ANKRD30BL: variants seen among roughly 807,000 people sequenced by gnomAD.
The protein encoded by ANKRD30BL is ankyrin repeat domain 30B like.
ANKRD30BL carries 20 observed loss-of-function variants against 18.4 expected under a neutral mutation model. The observed-to-expected ratio is 1.09, with a 90% CI of 0.77 to 1.58. ANKRD30BL has a LOEUF of 1.58. Ranked by LOEUF, ANKRD30BL falls within the 40% of genes most tolerant of loss-of-function variation. The pLI is 0.00. For missense variants in ANKRD30BL, 224 were observed against 268.6 expected (o/e 0.83, Z 1.16); for synonymous variants, 72 against 100.9 (o/e 0.71, Z 1.72).
At chr2:132,191,180 CT>C (rs1440300212) in intron 1 of ANKRD30BL, among the ~76,000 whole-genome samples, 1 of 152,138 alleles carries the variant, frequency 6.6e-6, no homozygotes, top group African/African-American at 2.4e-5. Context: ...TAATAATAAA[CT>C]TTTATAATAT....
At chr2:132,187,115 T>C (rs1401158417) in intron 1 of ANKRD30BL, among the ~76,000 whole-genome samples, 4 of 151,712 alleles carry the variant, frequency 2.6e-5, no homozygotes, top group African/African-American at 9.7e-5. Context: ...ATATTTATTT[T>C]TTTAAAAAAA....
intron 1 of ANKRD30BL, chr2:132,253,213 C>T (rs62164984): frequency 0.038 from 7,389 of 194,272 alleles, 254 homozygotes; most frequent in East Asian, 0.11. Context: ...TTCGAAGAGT[C>T]GATGATCAAC....
intron 1 of ANKRD30BL, among the ~76,000 whole-genome samples, chr2:132,198,145 T>A (rs1406747892): frequency 6.6e-6 from 1 of 151,996 alleles, no homozygotes; most frequent in Non-Finnish European, 1.5e-5. Context: ...ATATGACATG[T>A]AAAATATTTT....
chr2:132,198,127 T>C (rs969601337), intron 1 of ANKRD30BL, among the ~76,000 whole-genome samples: 1 of 151,988 alleles, frequency 6.6e-6, no homozygotes, highest in Non-Finnish European at 1.5e-5. Flanking sequence ...GAGGGTGTCT[T>C]ATTTACAATA....
At chr2:132,208,217 C>G (rs1453115699) in intron 1 of ANKRD30BL, among the ~76,000 whole-genome samples, 1 of 152,116 alleles carries the variant, frequency 6.6e-6, no homozygotes, top group East Asian at 1.9e-4. Context: ...TGACATCCTT[C>G]TTAACATTTG....
chr2:132,252,238 G>A (rs74345706), intron 1 of ANKRD30BL, among the ~76,000 whole-genome samples: 18 of 152,368 alleles, frequency 1.2e-4, no homozygotes, highest in South Asian at 1.0e-3. Flanking sequence ...CAGTGGCTGC[G>A]CCAAGTCTAG....
chr2:132,229,355 T>C (rs1371790500), intron 1 of ANKRD30BL, among the ~76,000 whole-genome samples: 1 of 152,120 alleles, frequency 6.6e-6, no homozygotes, highest in African/African-American at 2.4e-5. Flanking sequence ...AAGTTGAACA[T>C]TTCTTTGATT....
In ANKRD30BL at chr2:132,147,738, G is replaced by A. The variant is rs1687641896; in HGVS notation, c.*393C>T. 4.8e-6 allele frequency: 1 copy of A among 208,132 alleles called. No homozygotes were observed. Among genetic ancestry groups the A allele is most frequent in the Admixed American group, 5.0e-5 (1 of 19,992 alleles). 12.9% of individuals were successfully genotyped at this position (208,132 alleles called of 1,614,324 possible). On this transcript the variant is annotated 3_prime_UTR_variant, in exon 6 of 6. Transcript: ENST00000409867. ...TTGTGTCTTTTCCCTATTGGATAGG[G>A]TTGGACTGCACACTCTAAGCCAATT...
chr2:132,221,179 C>A (rs1465425796), intron 1 of ANKRD30BL, among the ~76,000 whole-genome samples: 1 of 145,422 alleles, frequency 6.9e-6, no homozygotes, highest in South Asian at 2.1e-4. Context: ...CCACCCCATC[C>A]GCGAGGGAGG....
At chr2:132,197,962 T>C (rs1678998558) in intron 1 of ANKRD30BL, among the ~76,000 whole-genome samples, 2 of 151,896 alleles carry the variant, frequency 1.3e-5, no homozygotes, top group Non-Finnish European at 2.9e-5. Context: ...AGAAATACCA[T>C]TGTGTATTTT....
chr2:132,198,898 A>T (rs1363483286), intron 1 of ANKRD30BL, among the ~76,000 whole-genome samples: 1 of 152,168 alleles, frequency 6.6e-6, no homozygotes, highest in East Asian at 1.9e-4. Flanking sequence ...AATTACAGGC[A>T]TGAGCCACTG....
At chr2:132,160,142 C>T (rs6751004) in intron 1 of ANKRD30BL, among the ~76,000 whole-genome samples, 43,691 of 151,940 alleles carry the variant, frequency 0.29, 9,889 homozygotes, top group African/African-American at 0.61. Context: ...CTCACTGTCT[C>T]CCAGGCTAGA....
chr2:132,209,519 A>G (rs1272388985), intron 1 of ANKRD30BL, among the ~76,000 whole-genome samples: 2 of 151,414 alleles, frequency 1.3e-5, no homozygotes, highest in African/African-American at 2.4e-5. Flanking sequence ...ACATCTGCAC[A>G]TAAAAACTAC....
At chr2:132,165,973 A>G, upstream of ANKRD30BL, among the ~76,000 whole-genome samples, 1 of 152,076 alleles carries the variant, frequency 6.6e-6, no homozygotes, top group Non-Finnish European at 1.5e-5. Flanking sequence ...GTTCTTTGTC[A>G]AGTTATGAAA....
intron 1 of ANKRD30BL, among the ~76,000 whole-genome samples, chr2:132,201,324 A>T (rs1679092811): frequency 6.6e-6 from 1 of 152,184 alleles, no homozygotes; most frequent in Admixed American, 6.5e-5. Context: ...GAGCTTCTGC[A>T]CAGCAAAAGA....
intron 1 of ANKRD30BL, among the ~76,000 whole-genome samples, chr2:132,235,299 A>T (rs375470693): frequency 2.0e-5 from 3 of 152,184 alleles, no homozygotes; most frequent in African/African-American, 7.2e-5. Flanking sequence ...GCCCTCTCTC[A>T]CCACTCCTAT....
At chr2:132,205,559 C>T (rs1344258300) in intron 1 of ANKRD30BL, among the ~76,000 whole-genome samples, 1 of 148,428 alleles carries the variant, frequency 6.7e-6, no homozygotes, top group African/African-American at 2.5e-5. Context: ...TGAGATCACA[C>T]TGTTGCACTC....
intron 1 of ANKRD30BL, among the ~76,000 whole-genome samples, chr2:132,175,505 T>C (rs1434093183): frequency 6.6e-6 from 1 of 152,236 alleles, no homozygotes. Context: ...AGACATTCAG[T>C]TCCCTGGGGC....
intron 1 of ANKRD30BL, among the ~76,000 whole-genome samples, chr2:132,221,721 G>A (rs1393477431): frequency 1.1e-3 from 117 of 105,034 alleles, no homozygotes; most frequent in Non-Finnish European, 1.5e-3. Flanking sequence ...CTGGCCAGCC[G>A]CCCCGTCCGG....
Sources: allele counts gnomAD v4.1 joint callset (sites outside exome capture counted in the v4.1 genomes callset), GRCh38; gene constraint gnomAD v4.1.1; transcripts MANE v1.5; gene names NCBI Gene and HGNC (gene_info 2026-07-23, HGNC 2026-07-21).